Variants in ZNF610 observed in about 807,000 individuals in gnomAD.
The protein encoded by ZNF610 is zink finger protein.
In ZNF610, 14 loss-of-function variants were observed where a neutral mutation model predicts 14.1. That is an observed-to-expected ratio of 0.99 (90% CI 0.65 to 1.55). The LOEUF is 1.55. Ranked by LOEUF, ZNF610 falls within the 40% of genes most tolerant of loss-of-function variation. The pLI is 0.00. For missense variants in ZNF610, 530 were observed against 558.0 expected (o/e 0.95, Z 0.51); for synonymous variants, 185 against 187.6 (o/e 0.99, Z 0.11).
intron 3 of ZNF610, among the ~76,000 whole-genome samples, chr19:52,350,996 A>C (rs1985224179): frequency 6.6e-6 from 1 of 152,060 alleles, no homozygotes; most frequent in African/African-American, 2.4e-5. Context: ...GCAAAACTCC[A>C]AAAGAAATAT....
At chr19:52,354,525 G>C (rs1028131543) in intron 5 of ZNF610, 146 bp downstream of exon 5, 14 of 888,574 alleles carry the variant, frequency 1.6e-5, no homozygotes, top group Non-Finnish European at 2.3e-5. Flanking sequence ...CAATCCTCCT[G>C]CCTTGGCCTC....
chr19:52,340,516 G>A (rs967554822), intron 1 of ZNF610, among the ~76,000 whole-genome samples: 3 of 152,028 alleles, frequency 2.0e-5, no homozygotes, highest in Non-Finnish European at 4.4e-5. Flanking sequence ...CAGTCTCAGG[G>A]CCTGTGATGT....
chr19:52,354,718 A>G (rs1168814204), intron 5 of ZNF610, among the ~76,000 whole-genome samples: 1 of 150,494 alleles, frequency 6.6e-6, no homozygotes, highest in Non-Finnish European at 1.5e-5. Flanking sequence ...AGCTGAGATT[A>G]CAGGCATGTG....
intron 2 of ZNF610, 55 bp from the exon 3 acceptor site, chr19:52,349,099 T>G: frequency 2.3e-6 from 3 of 1,294,692 alleles, no homozygotes; most frequent in African/African-American, 1.5e-5. Flanking sequence ...GGTTGTGGCA[T>G]AGGGAGGGGA....
At chr19:52,363,362 C>T (rs1568655075) in intron 5 of ZNF610, among the ~76,000 whole-genome samples, 1 of 152,078 alleles carries the variant, frequency 6.6e-6, no homozygotes, top group African/African-American at 2.4e-5. Flanking sequence ...AACTCCTGGC[C>T]TCAAGTGATC....
chr19:52,353,673 T>G lies in ZNF610; in HGVS notation c.64-9T>G. The G allele has an allele frequency of 6.2e-7, 1 of 1,613,414 alleles. No homozygotes were observed. The highest frequency in any genetic ancestry group is 8.5e-7 in the Non-Finnish European group (1 of 1,179,620). Reference sequence around the variant, plus strand: ...TTTAGTGTTGTAAACAATGTGGTCCTCATTTTAGGGACGCTTGACATTCAT... The same window carrying G: ...TTTAGTGTTGTAAACAATGTGGTCCGCATTTTAGGGACGCTTGACATTCAT... On this transcript the variant is annotated splice_polypyrimidine_tract_variant and intron_variant, in intron 3 of 5. Transcript: ENST00000403906.
Position 52,366,902 on chromosome 19 carries a change from C to T in ZNF610, c.*135C>T. The T allele has an allele frequency of 1.5e-6, 1 of 646,854 alleles. No individual in the cohort carries two copies. Among genetic ancestry groups the T allele is most frequent in the Non-Finnish European group, 2.6e-6 (1 of 381,054 alleles). The allele number at this position is 646,854 out of a possible 1,614,324, so 40.1% of individuals were successfully genotyped here. A position where few individuals can be genotyped will look rare whatever the true frequency, so the allele number is the denominator to read the frequency against. On this transcript the variant is annotated 3_prime_UTR_variant, in exon 6 of 6. Coordinates refer to ENST00000403906, the MANE Select transcript of ZNF610 (RefSeq NM_001161425.2). ...GCCTCATCACTCATCTCTTGATCCA[C>T]ACTGAAAGGAAACCCTACAAATGTA...
chr19:52,351,315 G>T (rs192030475), intron 3 of ZNF610, among the ~76,000 whole-genome samples: 25 of 152,070 alleles, frequency 1.6e-4, no homozygotes, highest in African/African-American at 5.8e-4. Context: ...AATTAGCCTG[G>T]TGTGGTGGTG....
intron 1 of ZNF610, among the ~76,000 whole-genome samples, chr19:52,342,708 G>A (rs1984745082): frequency 2.0e-5 from 3 of 151,914 alleles, no homozygotes; most frequent in Admixed American, 6.6e-5. Context: ...TGTATTTTTA[G>A]TAGAGATGGG....
chr19:52,352,619 A>C (rs1033642078), intron 3 of ZNF610, among the ~76,000 whole-genome samples: 1 of 152,048 alleles, frequency 6.6e-6, no homozygotes, highest in Non-Finnish European at 1.5e-5. Flanking sequence ...GTCATTCGTT[A>C]GTTCTAACAG....
intron 1 of ZNF610, among the ~76,000 whole-genome samples, chr19:52,345,849 C>T (rs1016856622): frequency 2.6e-5 from 4 of 151,282 alleles, no homozygotes; most frequent in Non-Finnish European, 5.9e-5. Flanking sequence ...GGACTACAGG[C>T]GCTCACCACC....
intron 5 of ZNF610, among the ~76,000 whole-genome samples, chr19:52,365,154 A>G (rs1985957275): frequency 6.6e-6 from 1 of 151,596 alleles, no homozygotes; most frequent in African/African-American, 2.4e-5. Flanking sequence ...AGGCTGATGC[A>G]GGGGAATTGC....
rs1985129335 is a variant in ZNF610 at position 52,349,292 on chromosome 19, C to A, written c.63+57C>A. On this transcript the variant is annotated intron_variant, in intron 3 of 5. Coordinates refer to ENST00000403906, the MANE Select transcript of ZNF610 (RefSeq NM_001161425.2). Reference sequence around the variant, plus strand: ...CTGTTTCTTTCTGAAATGCCTGAAGCATCCTGCCTGACACGTTTGCTCACA... The same window carrying A: ...CTGTTTCTTTCTGAAATGCCTGAAGAATCCTGCCTGACACGTTTGCTCACA... 3.8e-6 allele frequency: 6 copies of A among 1,563,896 alleles called. No homozygotes were observed. The Admixed American group carries it at 6.7e-5, about 17-fold the overall frequency.
upstream of ZNF610, among the ~76,000 whole-genome samples, chr19:52,333,090 C>T (rs143996736): frequency 6.6e-6 from 1 of 152,310 alleles, no homozygotes; most frequent in Non-Finnish European, 1.5e-5. Flanking sequence ...ACCTAAGCCT[C>T]CTCTTCCAAT....
intron 5 of ZNF610, among the ~76,000 whole-genome samples, chr19:52,360,788 T>C (rs1458022050): frequency 6.6e-6 from 1 of 152,224 alleles, no homozygotes; most frequent in Non-Finnish European, 1.5e-5. Context: ...TCCATTTTAA[T>C]ATACTGCTGA....
upstream of ZNF610, among the ~76,000 whole-genome samples, chr19:52,335,213 G>A (rs889412161): frequency 6.6e-6 from 1 of 152,080 alleles, no homozygotes; most frequent in Admixed American, 6.5e-5. Flanking sequence ...GCTGAGGCAG[G>A]AGAATGGCGT....
At chr19:52,342,450 C>T (rs1984729988) in intron 1 of ZNF610, among the ~76,000 whole-genome samples, 1 of 151,930 alleles carries the variant, frequency 6.6e-6, no homozygotes, top group Non-Finnish European at 1.5e-5. Flanking sequence ...GCAATTTGCA[C>T]AGCCGATCAC....
chr19:52,354,377 C>G lies in ZNF610; in HGVS notation c.317C>G (p.Thr106Arg). ...AGGGAATGTGTCAGAAGCGTGAACA[C>G]AGGTAAGAGCTCTGATGGGCAGTGT... ...DGRECVRSVNTGRSCVLGSNA... is the reference protein window; with the variant it reads ...DGRECVRSVNRGRSCVLGSNA... The change falls in exon 5 of 6, where the codon ACA (threonine) becomes AGA (arginine). Residue 106 changes from threonine (T) to arginine (R), a missense_variant and splice_region_variant. Transcript: ENST00000403906. 2 of 1,613,944 alleles carry G rather than the reference C, an allele frequency of 1.2e-6. No individual in the cohort carries two copies. The highest frequency in any genetic ancestry group is 2.2e-5 in the South Asian group (2 of 91,070).
intron 3 of ZNF610, among the ~76,000 whole-genome samples, chr19:52,351,788 T>A (rs1985264900): frequency 6.6e-6 from 1 of 152,226 alleles, no homozygotes; most frequent in Non-Finnish European, 1.5e-5. Context: ...TCTGGGGCCC[T>A]GTTACTTCAG....
Sources: gnomAD v4.1 joint callset for allele counts (sites outside exome capture counted in the v4.1 genomes callset) on GRCh38, gnomAD v4.1.1 for gene constraint, MANE v1.5 for transcripts, NCBI Gene and HGNC (gene_info 2026-07-23, HGNC 2026-07-21) for gene names.